OXR1: variants seen among roughly 807,000 people sequenced by gnomAD.
The protein encoded by OXR1 is oxidation resistance 1.
Under a neutral mutation model 104.6 loss-of-function variants are expected in OXR1, and 41 were observed. The observed-to-expected ratio is 0.39, with a 90% CI of 0.31 to 0.51. The LOEUF (loss-of-function observed/expected upper bound fraction) is 0.51. Among genes scored for constraint, OXR1 ranks in the 20% least tolerant of loss-of-function variants. The pLI is 0.77. For synonymous variants in OXR1, 348 were observed against 348.4 expected (o/e 1.00, Z 0.01); for missense variants, 955 against 1,031.9 (o/e 0.93, Z 1.02).
intron 2 of OXR1, among the ~76,000 whole-genome samples, chr8:106,428,679 T>A (rs189994193): frequency 6.6e-6 from 1 of 151,958 alleles, no homozygotes; most frequent in Non-Finnish European, 1.5e-5. Context: ...GAAGACTGTT[T>A]AGCACATAGA....
chr8:106,330,932 A>T (rs1268477233), intron 1 of OXR1, among the ~76,000 whole-genome samples: 1 of 152,230 alleles, frequency 6.6e-6, no homozygotes, highest in Non-Finnish European at 1.5e-5. Flanking sequence ...TTCCATAGCC[A>T]GTCTTGATAA....
At chr8:106,333,464 C>G (rs1410752563) in intron 1 of OXR1, among the ~76,000 whole-genome samples, 1 of 152,032 alleles carries the variant, frequency 6.6e-6, no homozygotes, top group East Asian at 1.9e-4. Flanking sequence ...TATCCTGTAA[C>G]ATGTACAAGT....
chr8:106,536,729 A>G (rs1814571924), intron 3 of OXR1, among the ~76,000 whole-genome samples: 2 of 152,220 alleles, frequency 1.3e-5, no homozygotes, highest in African/African-American at 4.8e-5. Context: ...ATAATCTGCA[A>G]ACATGATAGG....
Position 106,565,753 on chromosome 8 carries a change from A to C in OXR1, c.220+46614A>C, listed in dbSNP as rs186863351. Among the ~76,000 whole-genome samples, 246 of 152,326 alleles carry C rather than the reference A, an allele frequency of 1.6e-3. 4 individuals are homozygous for C. In the East Asian group the frequency reaches 0.036, roughly 23 times the overall value. On this transcript the variant is annotated intron_variant, in intron 3 of 16. Transcript: ENST00000517566. ...ATACTACAAGGTTACAGTAACCAAAACAGCATGGTACTGCTACCAAAACAG... is the reference window on the plus strand; with the variant it reads ...ATACTACAAGGTTACAGTAACCAAACCAGCATGGTACTGCTACCAAAACAG...
chr8:106,706,265 T>G, intron 8 of OXR1, 117 bp from the exon 9 acceptor site: 1 of 618,732 alleles, frequency 1.6e-6, no homozygotes, highest in Non-Finnish European at 2.7e-6. Context: ...TGGAGATACG[T>G]GCTACATCCT....
At chr8:106,726,245 TGTCTC>T in intron 11 of OXR1, 2 of 1,527,668 alleles carry the variant, frequency 1.3e-6, no homozygotes, top group Non-Finnish European at 1.8e-6. Context: ...GGAAAGGAAA[TGTCTC>T]GTCTCTGGTA....
Position 106,714,061 on chromosome 8 carries a change from A to G in OXR1, c.1956+76A>G, listed in dbSNP as rs546617953. 616 of 1,124,214 alleles carry G rather than the reference A, an allele frequency of 5.5e-4. 10 individuals carry two copies. The South Asian group carries it at 9.0e-3, about 16-fold the overall frequency. 69.6% of individuals were successfully genotyped at this position (1,124,214 alleles called of 1,614,324 possible). On this transcript the variant is annotated intron_variant, in intron 11 of 16. Coordinates refer to ENST00000517566, the MANE Select transcript of OXR1 (RefSeq NM_001198533.2). ...TTATAGCTTTATGGTAGTACAAAGT[A>G]TAAGTGATGTTTCCACAAAAGAGGA...
At chr8:106,320,874 G>A (rs1814188559) in intron 1 of OXR1, among the ~76,000 whole-genome samples, 1 of 152,090 alleles carries the variant, frequency 6.6e-6, no homozygotes, top group South Asian at 2.1e-4. Context: ...GTTTTGCCAT[G>A]TTGGCCAGAC....
intron 1 of OXR1, among the ~76,000 whole-genome samples, chr8:106,293,352 C>G (rs1429042470): frequency 6.6e-6 from 1 of 152,176 alleles, no homozygotes; most frequent in Non-Finnish European, 1.5e-5. Context: ...GCCTCATATG[C>G]AGATCTTACA....
In OXR1 at chr8:106,702,973, C is replaced by G. The variant is rs750085755; in HGVS notation, c.743C>G (p.Pro248Arg). 8.7e-6 allele frequency: 14 copies of G among 1,613,448 alleles called. No individual in the cohort carries two copies. The highest frequency in any genetic ancestry group is 6.7e-5 in the East Asian group (3 of 44,854). ...NIMFDPHKND[P>R]LVQENGCEEY... ...ATGTTTGATCCACATAAAAATGACCCTTTGGTTCAAGAGAATGGCTGTGAG... is the reference window on the plus strand; with the variant it reads ...ATGTTTGATCCACATAAAAATGACCGTTTGGTTCAAGAGAATGGCTGTGAG... The change falls in exon 8 of 17, where the codon CCT becomes CGT. Residue 248 changes from proline (P) to arginine (R), a missense_variant. Coordinates refer to ENST00000517566, the MANE Select transcript of OXR1 (RefSeq NM_001198533.2).
chr8:106,419,123 A>C (rs909824614), intron 2 of OXR1, among the ~76,000 whole-genome samples: 1 of 152,128 alleles, frequency 6.6e-6, no homozygotes, highest in Non-Finnish European at 1.5e-5. Flanking sequence ...TTTGCATGTA[A>C]TGTTTTGGGA....
At chr8:106,373,079 T>A (rs79075897) in intron 2 of OXR1, among the ~76,000 whole-genome samples, 4,032 of 152,276 alleles carry the variant, frequency 0.026, 58 homozygotes, top group Non-Finnish European at 0.032. Context: ...AATGAAGTAA[T>A]GTGTAGGCAT....
intron 6 of OXR1, 71 bp from the exon 7 acceptor site, chr8:106,692,657 T>C: frequency 2.1e-6 from 2 of 937,712 alleles, no homozygotes; most frequent in Non-Finnish European, 3.0e-6. Flanking sequence ...TTCATTTGAC[T>C]TTTTAATAGT....
At chr8:106,304,672 T>C (rs910135488) in intron 1 of OXR1, among the ~76,000 whole-genome samples, 4 of 152,168 alleles carry the variant, frequency 2.6e-5, no homozygotes, top group Non-Finnish European at 4.4e-5. Flanking sequence ...ATTTCTTAGA[T>C]TAAGTCTTCA....
chr8:106,398,630 T>C (rs781337085), intron 2 of OXR1, among the ~76,000 whole-genome samples: 19 of 152,180 alleles, frequency 1.2e-4, no homozygotes, highest in Non-Finnish European at 2.5e-4. Flanking sequence ...GGAAATTAAA[T>C]GGCTCTCAGC....
intron 1 of OXR1, among the ~76,000 whole-genome samples, chr8:106,316,615 T>G (rs1364088184): frequency 6.6e-6 from 1 of 152,166 alleles, no homozygotes; most frequent in African/African-American, 2.4e-5. Context: ...ATGTTGAACT[T>G]TTTTCTTTAA....
intron 1 of OXR1, among the ~76,000 whole-genome samples, chr8:106,339,347 C>T (rs2202274): frequency 0.65 from 97,166 of 149,988 alleles, 33,137 homozygotes; most frequent in African/African-American, 0.88. Context: ...TACAAAAAAT[C>T]AGCCGGGCGT....
chr8:106,499,631 T>C (rs1444938897), intron 2 of OXR1, among the ~76,000 whole-genome samples: 1 of 152,226 alleles, frequency 6.6e-6, no homozygotes, highest in Non-Finnish European at 1.5e-5. Context: ...ATCAACTCAG[T>C]GCATGACAGA....
At chr8:106,318,602 T>A (rs932668465) in intron 1 of OXR1, among the ~76,000 whole-genome samples, 1 of 152,214 alleles carries the variant, frequency 6.6e-6, no homozygotes, top group Non-Finnish European at 1.5e-5. Context: ...ATTCCTATTA[T>A]TCTCAAGGGT....
Sources: gnomAD v4.1 joint callset for allele counts (sites outside exome capture counted in the v4.1 genomes callset) on GRCh38, gnomAD v4.1.1 for gene constraint, MANE v1.5 for transcripts, NCBI Gene and HGNC (gene_info 2026-07-23, HGNC 2026-07-21) for gene names.